GPR63: variants seen among roughly 807,000 people sequenced by gnomAD.
GPR63 encodes G protein-coupled receptor 63.
GPR63 carries 12 observed loss-of-function variants against 23.1 expected under a neutral mutation model. The observed-to-expected ratio is 0.52, with a 90% confidence interval of 0.33 to 0.84. The LOEUF is 0.84. Among genes scored for constraint, GPR63 ranks in the 40% least tolerant of loss-of-function variants. The pLI, the probability that GPR63 is intolerant of heterozygous loss-of-function variation, is 0.02. For synonymous variants in GPR63, 172 were observed against 191.1 expected (o/e 0.90, Z 0.82); for missense variants, 472 against 515.6 (o/e 0.92, Z 0.82).
At position 96,798,671 on chromosome 6, in the gene GPR63, G is replaced by C; in HGVS notation, c.1061C>G (p.Thr354Ser). 6.2e-7 allele frequency: 1 copy of C among 1,614,200 alleles called. No individual in the cohort carries two copies. Among genetic ancestry groups the C allele is most frequent in the Non-Finnish European group, 8.5e-7 (1 of 1,180,024 alleles). ...GAGGTAGCAGAGCCACAGTAGCCAG[G>C]TGCTAATCTCAAAAAAGTTGTGCTG... is the stretch of plus-strand genomic sequence containing the variant. The part of the protein sequence containing the change: ...YYQHNFFEIS[T>S]WLLWLCYLKS... Residue 354 changes from threonine to serine, a missense_variant, in exon 2 of 2, where the codon ACC (threonine) becomes AGC (serine). Thr to Ser is a moderately conservative substitution (Grantham distance 58). Coordinates refer to ENST00000229955, the MANE Select transcript of GPR63 (RefSeq NM_030784.4).
At chr6:96,812,841 G>T (rs376778114) in intron 1 of GPR63, among the ~76,000 whole-genome samples, 44 of 152,166 alleles carry the variant, frequency 2.9e-4, no homozygotes, top group East Asian at 1.4e-3. Context: ...ATTTCTATGT[G>T]TTGGGAACAT....
intron 1 of GPR63, among the ~76,000 whole-genome samples, chr6:96,816,683 C>G (rs1278252594): frequency 1.3e-5 from 2 of 152,064 alleles, no homozygotes; most frequent in Non-Finnish European, 2.9e-5. Flanking sequence ...AAACCGAGAG[C>G]CTGCAAAGTG....
chr6:96,819,873 G>A (rs1384358565), intron 1 of GPR63, among the ~76,000 whole-genome samples: 3 of 151,018 alleles, frequency 2.0e-5, no homozygotes, highest in African/African-American at 7.3e-5. Flanking sequence ...CTGCTCTGGA[G>A]GCTGAGGCGG....
chr6:96,813,832 T>C (rs901760548), intron 1 of GPR63, among the ~76,000 whole-genome samples: 1 of 152,180 alleles, frequency 6.6e-6, no homozygotes, highest in Admixed American at 6.5e-5. Context: ...TATGATTATA[T>C]ATTCTCTGTC....
intron 1 of GPR63, among the ~76,000 whole-genome samples, chr6:96,833,419 G>A (rs945842204): frequency 1.3e-5 from 2 of 152,130 alleles, no homozygotes; most frequent in South Asian, 2.1e-4. Context: ...GCCTACAAAT[G>A]TTCTCTCTCT....
chr6:96,820,331 G>A (rs1774282521), intron 1 of GPR63, among the ~76,000 whole-genome samples: 1 of 152,086 alleles, frequency 6.6e-6, no homozygotes, highest in African/African-American at 2.4e-5. Context: ...CTACTCAAAT[G>A]GCAATTGTTA....
At position 96,799,844 on chromosome 6, in the gene GPR63, T is replaced by C. The variant is rs1582245235; in HGVS notation, c.-113A>G. ...GGGCTTGGAAATACATTCTGGAAAATGGACAATGAGTTCCATCTTCCACAA... is the reference window on the plus strand; with the variant it reads ...GGGCTTGGAAATACATTCTGGAAAACGGACAATGAGTTCCATCTTCCACAA... On this transcript the variant is annotated 5_prime_UTR_variant, in exon 2 of 2. Coordinates refer to ENST00000229955, the MANE Select transcript of GPR63 (RefSeq NM_030784.4). 1.9e-6 allele frequency: 2 copies of C among 1,060,028 alleles called. No individual in the cohort carries two copies. Among genetic ancestry groups the C allele is most frequent in the Non-Finnish European group, 2.9e-6 (2 of 695,354 alleles). The allele number at this position is 1,060,028 out of a possible 1,614,324, so 65.7% of individuals were successfully genotyped here.
rs2127965640 is a variant in GPR63, at chr6:96,837,250, T to A, written c.-151+18A>T. On this transcript the variant is annotated intron_variant, in intron 1 of 1. Coordinates refer to ENST00000229955, the MANE Select transcript of GPR63 (RefSeq NM_030784.4). ...CGGGCCGGGGATCGCGGGCCGGGGA[T>A]CCCGAGCCTCACCTCACCTCAAGCG... 1 of 152,452 alleles carries A rather than the reference T, an allele frequency of 6.6e-6. No homozygotes were observed. Among genetic ancestry groups the A allele is most frequent in the South Asian group, 2.1e-4 (1 of 4,824 alleles). 9.4% of individuals were successfully genotyped at this position (152,452 alleles called of 1,614,324 possible). A position where few individuals can be genotyped will look rare whatever the true frequency, so the allele number is the denominator to read the frequency against.
At position 96,799,852 on chromosome 6, in the gene GPR63, G is replaced by C; in HGVS notation, c.-121C>G. On this transcript the variant is annotated 5_prime_UTR_variant, in exon 2 of 2. An upstream open reading frame in the 5' UTR gains an earlier in-frame stop. Coordinates refer to ENST00000229955, the MANE Select transcript of GPR63 (RefSeq NM_030784.4). The stretch of plus-strand genomic sequence containing the variant: ...AAATACATTCTGGAAAATGGACAAT[G>C]AGTTCCATCTTCCACAAGAGTCCTT... The C allele has an allele frequency of 1.0e-6, 1 of 958,554 alleles. No individual in the cohort carries two copies. The highest frequency in any genetic ancestry group is 2.5e-5 in the East Asian group (1 of 40,294). The allele number at this position is 958,554 out of a possible 1,614,324, so 59.4% of individuals were successfully genotyped here.
In GPR63 at chr6:96,798,899, C is replaced by T. The variant is rs1773671119; in HGVS notation, c.833G>A (p.Ser278Asn). The T allele has an allele frequency of 6.2e-7, 1 of 1,614,156 alleles. No individual in the cohort carries two copies. The highest frequency in any genetic ancestry group is 8.5e-7 in the Non-Finnish European group (1 of 1,180,036). ...GCTGAGGCATATACCTTCAGGGTAGCTATGGATCCTCAAGGCATTGTGCCG... is the reference window on the plus strand; with the variant it reads ...GCTGAGGCATATACCTTCAGGGTAGTTATGGATCCTCAAGGCATTGTGCCG... Reference protein sequence around the residue: ...TLRHNALRIHSYPEGICLSQA... With the variant: ...TLRHNALRIHNYPEGICLSQA... The change falls in exon 2 of 2, where the codon AGC becomes AAC. Residue 278 changes from serine to asparagine, a missense_variant. By Grantham distance (46) the Ser-to-Asn change is conservative. Transcript: ENST00000229955.
chr6:96,833,408 T>C (rs1774641536), intron 1 of GPR63, among the ~76,000 whole-genome samples: 1 of 152,238 alleles, frequency 6.6e-6, no homozygotes, highest in Non-Finnish European at 1.5e-5. Context: ...CTTCTTTAAA[T>C]GCCTACAAAT....
intron 1 of GPR63, among the ~76,000 whole-genome samples, chr6:96,826,482 T>C (rs1774441500): frequency 6.6e-6 from 1 of 152,160 alleles, no homozygotes; most frequent in African/African-American, 2.4e-5. Context: ...GAAAGGTATT[T>C]TGCTATCATA....
rs1237022814 is a variant in GPR63, at chr6:96,795,246, G to GA, written c.*3225dup. 1 of 152,082 alleles carries GA rather than the reference G, an allele frequency of 6.6e-6. No homozygotes were observed. The highest frequency in any genetic ancestry group is 2.4e-5 in the African/African-American group (1 of 41,402). The allele number at this position is 152,082 out of a possible 1,614,324, so 9.4% of individuals were successfully genotyped here. The stretch of plus-strand genomic sequence containing the variant: ...GGAATTTCCCTTGCATCTTTCTTTT[G>GA]ACCACAAATATTTCATTATCTCTTT... On this transcript the variant is annotated 3_prime_UTR_variant, in exon 2 of 2. Coordinates refer to ENST00000229955, the MANE Select transcript of GPR63 (RefSeq NM_030784.4).
intron 1 of GPR63, among the ~76,000 whole-genome samples, chr6:96,821,284 C>G (rs747207998): frequency 6.6e-6 from 1 of 152,216 alleles, no homozygotes; most frequent in Non-Finnish European, 1.5e-5. Flanking sequence ...CTCTACAACA[C>G]CAACCTTTCA....
intron 1 of GPR63, among the ~76,000 whole-genome samples, chr6:96,810,734 G>A (rs1774022086): frequency 1.3e-5 from 2 of 152,140 alleles, no homozygotes; most frequent in African/African-American, 4.8e-5. Flanking sequence ...TTGTGCATAT[G>A]TACATAGGTA....
In GPR63 at chr6:96,817,342, T is replaced by C. The variant is rs1001598981; in HGVS notation, c.-150-17461A>G. 2.6e-5 allele frequency among the ~76,000 whole-genome samples: 4 copies of C among 152,052 alleles called. No homozygotes were observed. In the East Asian group the frequency reaches 7.7e-4, roughly 29 times the overall value. On this transcript the variant is annotated intron_variant, in intron 1 of 1. Transcript: ENST00000229955. ...AAAAATCCAACAGAATGACTAAAGT[T>C]GAAAATATATATATATATAAAATAT...
rs1277451689 is a variant in GPR63 at position 96,798,931 on chromosome 6, G to A, written c.801C>T (p.Asn267=). The change falls in exon 2 of 2, where the codon AAC becomes AAT. Residue 267 remains asparagine, a synonymous_variant. Transcript: ENST00000229955. ...TCCTCAAGGCATTGTGCCGAAGGGT[G>A]TTGAGTATGCCCATAAATGAGTACA... ...VILYSFMGIL[N]TLRHNALRIH... is the part of the protein sequence containing the mutation. 3.7e-6 allele frequency: 6 copies of A among 1,614,064 alleles called. No homozygotes were observed. In the Admixed American group the frequency reaches 6.7e-5, roughly 18 times the overall value.
intron 1 of GPR63, among the ~76,000 whole-genome samples, chr6:96,811,526 C>T (rs1479331112): frequency 6.6e-6 from 1 of 152,182 alleles, no homozygotes; most frequent in Admixed American, 6.5e-5. Context: ...ACATCATGTT[C>T]TTCTGCTATT....
chr6:96,831,624 T>C (rs1774582631), intron 1 of GPR63, among the ~76,000 whole-genome samples: 1 of 152,120 alleles, frequency 6.6e-6, no homozygotes, highest in Admixed American at 6.5e-5. Context: ...AATTGAGCTA[T>C]AGCCAGGCAC....
Sources: allele counts gnomAD v4.1 joint callset (sites outside exome capture counted in the v4.1 genomes callset), GRCh38; gene constraint gnomAD v4.1.1; transcripts MANE v1.5; gene names NCBI Gene and HGNC (gene_info 2026-07-23, HGNC 2026-07-21).